The following CERS6 variants were observed in gnomAD, a reference collection of about 807,000 sequenced individuals.
The protein encoded by CERS6 is LAG1 homolog, ceramide synthase 6.
Under a neutral mutation model 56.8 loss-of-function variants are expected in CERS6, and 26 were observed. The ratio of observed to expected loss-of-function variants is 0.46; its 90% CI spans 0.34 to 0.63. The LOEUF (loss-of-function observed/expected upper bound fraction) is 0.63. CERS6 is among the 30% of genes least tolerant of loss of function. The pLI is 0.01. For synonymous variants in CERS6, 164 were observed against 173.3 expected (o/e 0.95, Z 0.42); for missense variants, 415 against 467.5 (o/e 0.89, Z 1.04).
At chr2:168,716,930 A>T (rs1462437042) in intron 7 of CERS6, among the ~76,000 whole-genome samples, 1 of 152,170 alleles carries the variant, frequency 6.6e-6, no homozygotes, top group Admixed American at 6.5e-5. Flanking sequence ...AGTTAATTTA[A>T]GTTTCCAAGA....
intron 6 of CERS6, among the ~76,000 whole-genome samples, chr2:168,710,420 T>G (rs181164098): frequency 9.8e-5 from 15 of 152,350 alleles, no homozygotes; most frequent in African/African-American, 3.6e-4. Context: ...CTGGTTAAAC[T>G]TTGAAATCTG....
At chr2:168,660,537 C>A (rs996008129) in intron 4 of CERS6, among the ~76,000 whole-genome samples, 1 of 151,868 alleles carries the variant, frequency 6.6e-6, no homozygotes, top group Non-Finnish European at 1.5e-5. Context: ...AAATACAGAA[C>A]AAACATATGG....
At chr2:168,473,324 G>A (rs1304762986) in intron 1 of CERS6, among the ~76,000 whole-genome samples, 1 of 151,660 alleles carries the variant, frequency 6.6e-6, no homozygotes, top group African/African-American at 2.4e-5. Context: ...TTATTGTGCT[G>A]CTATCTCTGT....
intron 8 of CERS6, among the ~76,000 whole-genome samples, chr2:168,747,771 AC>A (rs1192177619): frequency 6.6e-6 from 1 of 152,044 alleles, no homozygotes; most frequent in Non-Finnish European, 1.5e-5. Flanking sequence ...ATATGCATAT[AC>A]CCCCAGTTGC....
intron 1 of CERS6, among the ~76,000 whole-genome samples, chr2:168,508,781 A>C (rs1430667793): frequency 1.3e-5 from 2 of 152,204 alleles, no homozygotes; most frequent in Non-Finnish European, 1.5e-5. Context: ...TGATGGGTGC[A>C]GCAAACCACC....
chr2:168,695,131 G>T lies in CERS6; in HGVS notation c.609+80G>T, dbSNP rs149884292. 3 of 1,041,600 alleles carry T rather than the reference G, an allele frequency of 2.9e-6. No individual in the cohort carries two copies. In the African/African-American group the frequency reaches 4.7e-5, roughly 16 times the overall value. The allele number at this position is 1,041,600 out of a possible 1,614,324, so 64.5% of individuals were successfully genotyped here. On this transcript the variant is annotated intron_variant, in intron 6 of 9. Coordinates refer to ENST00000305747, the MANE Select transcript of CERS6 (RefSeq NM_203463.3). ...AGCAGGTGGGTTTAGACTCTCAAAG[G>T]CACTCACCCCTGTTCTCCTGGCAGC... is the stretch of plus-strand genomic sequence containing the variant.
At chr2:168,638,861 A>G (rs1464294165) in intron 4 of CERS6, among the ~76,000 whole-genome samples, 1 of 152,146 alleles carries the variant, frequency 6.6e-6, no homozygotes, top group East Asian at 1.9e-4. Context: ...TGAAGTATAG[A>G]TTTTTGGGGA....
At chr2:168,565,652 C>T (rs1695871457) in intron 3 of CERS6, among the ~76,000 whole-genome samples, 1 of 152,198 alleles carries the variant, frequency 6.6e-6, no homozygotes, top group South Asian at 2.1e-4. Flanking sequence ...CAGGCATGTC[C>T]AATTTCTGGC....
intron 8 of CERS6, among the ~76,000 whole-genome samples, chr2:168,761,408 A>G (rs1684578867): frequency 6.6e-6 from 1 of 152,206 alleles, no homozygotes; most frequent in African/African-American, 2.4e-5. Context: ...TAGCATCACA[A>G]TGGCGAGAAA....
chr2:168,572,600 G>A (rs1199370870), intron 3 of CERS6, among the ~76,000 whole-genome samples: 1 of 151,954 alleles, frequency 6.6e-6, no homozygotes, highest in East Asian at 1.9e-4. Context: ...GAGCAAACAT[G>A]GAAAGGGGGC....
rs140084623 is a variant in CERS6 at position 168,727,964 on chromosome 2, A to C, written c.845+9986A>C. Among the ~76,000 whole-genome samples, 1,085 of 152,354 alleles carry C rather than the reference A, an allele frequency of 7.1e-3. 11 individuals carry two copies. The highest frequency in any genetic ancestry group is 0.024 in the African/African-American group (1,017 of 41,578). On this transcript the variant is annotated intron_variant, in intron 8 of 9. Coordinates refer to ENST00000305747, the MANE Select transcript of CERS6 (RefSeq NM_203463.3). ...ATGTGAAAGAGGTTAGATGGAAATAATGTGTGTTGAGATGTCTCTTTCAGA... is the reference window on the plus strand; with the variant it reads ...ATGTGAAAGAGGTTAGATGGAAATACTGTGTGTTGAGATGTCTCTTTCAGA...
chr2:168,722,093 C>A (rs1045444785), intron 8 of CERS6, among the ~76,000 whole-genome samples: 1 of 151,886 alleles, frequency 6.6e-6, no homozygotes, highest in African/African-American at 2.4e-5. Flanking sequence ...AATTCTTTAC[C>A]CATTTGTAAT....
At chr2:168,636,361 A>G (rs957798513) in intron 4 of CERS6, among the ~76,000 whole-genome samples, 4 of 152,228 alleles carry the variant, frequency 2.6e-5, no homozygotes, top group African/African-American at 9.6e-5. Context: ...TTTTATTAGT[A>G]AATTTACCTT....
chr2:168,693,786 G>T (rs1232286862), intron 5 of CERS6, among the ~76,000 whole-genome samples: 1 of 152,050 alleles, frequency 6.6e-6, no homozygotes, highest in Non-Finnish European at 1.5e-5. Flanking sequence ...CGTCACATTG[G>T]GATTAGGCTT....
At chr2:168,633,735 A>G (rs1314328885) in intron 4 of CERS6, among the ~76,000 whole-genome samples, 1 of 152,244 alleles carries the variant, frequency 6.6e-6, no homozygotes, top group Non-Finnish European at 1.5e-5. Flanking sequence ...AAAATTAAAG[A>G]TGCTGCATCA....
At chr2:168,571,986 A>G (rs1358515793) in intron 3 of CERS6, among the ~76,000 whole-genome samples, 1 of 152,128 alleles carries the variant, frequency 6.6e-6, no homozygotes, top group Admixed American at 6.6e-5. Flanking sequence ...TTAGGGTTCA[A>G]CTGTGTAGAA....
chr2:168,679,961 C>T (rs926529121), intron 4 of CERS6, among the ~76,000 whole-genome samples: 7 of 152,096 alleles, frequency 4.6e-5, no homozygotes, highest in African/African-American at 1.7e-4. Context: ...AAATCAATAC[C>T]AAAGAGCATG....
In CERS6 at chr2:168,769,623, C is replaced by T. The variant is rs779998285; in HGVS notation, c.1116C>T (p.Asn372=). 1.4e-5 allele frequency: 22 copies of T among 1,611,668 alleles called. No homozygotes were observed. The highest frequency in any genetic ancestry group is 4.5e-5 in the East Asian group (2 of 44,796). Residue 372 remains asparagine (N), a synonymous_variant, in exon 10 of 10, where the codon AAC becomes AAT. Coordinates refer to ENST00000305747, the MANE Select transcript of CERS6 (RefSeq NM_203463.3). The stretch of plus-strand genomic sequence containing the variant: ...CCACCAATGGGACCAGTGGTACCAA[C>T]GGGTATCTCCTGACTGGCTCCTGCT... ...ATTTNGTSGT[N]GYLLTGSCSM...
intron 4 of CERS6, among the ~76,000 whole-genome samples, chr2:168,666,188 A>G (rs1195308649): frequency 6.6e-6 from 1 of 152,174 alleles, no homozygotes; most frequent in Non-Finnish European, 1.5e-5. Flanking sequence ...CATAGTTTAC[A>G]TTAAGGTTCA....
Sources: allele counts gnomAD v4.1 joint callset (sites outside exome capture counted in the v4.1 genomes callset), GRCh38; gene constraint gnomAD v4.1.1; transcripts MANE v1.5; gene names NCBI Gene and HGNC (gene_info 2026-07-23, HGNC 2026-07-21).